Variants in SLC16A10 observed in about 807,000 individuals in gnomAD.
SLC16A10 encodes monocarboxylate transporter 10.
Under a neutral mutation model 40.0 loss-of-function variants are expected in SLC16A10, and 27 were observed. The ratio of observed to expected loss-of-function variants is 0.67; its 90% CI spans 0.50 to 0.93. SLC16A10 has a LOEUF of 0.93. Ranked by LOEUF, SLC16A10 falls within the 40% of genes least tolerant of loss-of-function variation. The pLI is 0.00. For missense variants in SLC16A10, 529 were observed against 658.2 expected (o/e 0.80, Z 2.15); for synonymous variants, 213 against 249.8 (o/e 0.85, Z 1.39).
intron 1 of SLC16A10, among the ~76,000 whole-genome samples, chr6:111,133,812 A>G (rs1220379725): frequency 1.3e-5 from 2 of 152,168 alleles, no homozygotes; most frequent in Non-Finnish European, 2.9e-5. Flanking sequence ...AAGAGTGCCA[A>G]TATTCCCTGG....
At chr6:111,131,230 C>T (rs776910465) in intron 1 of SLC16A10, among the ~76,000 whole-genome samples, 12 of 152,250 alleles carry the variant, frequency 7.9e-5, no homozygotes, top group African/African-American at 1.4e-4. Flanking sequence ...TCTGGTCCAG[C>T]GAGGTGGTGC....
At chr6:111,163,255 C>T (rs539880009) in intron 1 of SLC16A10, among the ~76,000 whole-genome samples, 1,591 of 148,484 alleles carry the variant, frequency 0.011, 11 homozygotes, top group Middle Eastern at 0.017. Flanking sequence ...CGGGTTCACA[C>T]CATTCTCCTG....
chr6:111,154,215 A>T (rs942087312), intron 1 of SLC16A10, among the ~76,000 whole-genome samples: 2 of 152,248 alleles, frequency 1.3e-5, no homozygotes, highest in African/African-American at 4.8e-5. Context: ...TATTTCAAAG[A>T]TTAAACAACT....
chr6:111,170,072 C>T (rs373545543), intron 1 of SLC16A10, among the ~76,000 whole-genome samples: 2 of 152,060 alleles, frequency 1.3e-5, no homozygotes, highest in Non-Finnish European at 2.9e-5. Context: ...CATGAGCCAA[C>T]ACGGGCGGCT....
In SLC16A10 at chr6:111,087,670, G is replaced by A; in HGVS notation, c.-83G>A. 1 of 825,596 alleles carries A rather than the reference G, an allele frequency of 1.2e-6. No homozygotes were observed. Among genetic ancestry groups the A allele is most frequent in the Non-Finnish European group, 1.6e-6 (1 of 630,028 alleles). The allele number at this position is 825,596 out of a possible 1,614,324, so 51.1% of individuals were successfully genotyped here. ...TCGCCTCGGCCTCGTTAGCCCGCCA[G>A]GAGCCCCGCAGCTCCTCCGGGAGCC... On this transcript the variant is annotated 5_prime_UTR_variant, in exon 1 of 6. Coordinates refer to ENST00000368851, the MANE Select transcript of SLC16A10 (RefSeq NM_018593.5).
intron 1 of SLC16A10, among the ~76,000 whole-genome samples, chr6:111,145,263 G>A (rs934254103): frequency 1.3e-5 from 2 of 151,970 alleles, no homozygotes; most frequent in South Asian, 2.1e-4. Flanking sequence ...AATTAACTGG[G>A]CATGGTGGTG....
chr6:111,180,558 T>G (rs1187529334), intron 3 of SLC16A10, among the ~76,000 whole-genome samples: 2 of 148,980 alleles, frequency 1.3e-5, no homozygotes, highest in African/African-American at 5.0e-5. Context: ...CTAAAAAAAA[T>G]TATAAAGTAT....
intron 4 of SLC16A10, among the ~76,000 whole-genome samples, chr6:111,212,308 A>G (rs575998934): frequency 6.6e-6 from 1 of 152,228 alleles, no homozygotes; most frequent in Non-Finnish European, 1.5e-5. Flanking sequence ...TTAATATCTT[A>G]TTAAATACTG....
chr6:111,204,169 A>G (rs897932573), intron 3 of SLC16A10, among the ~76,000 whole-genome samples: 12 of 152,178 alleles, frequency 7.9e-5, no homozygotes, highest in Non-Finnish European at 1.6e-4. Context: ...GAACTAAAAT[A>G]CCATGAGGAA....
intron 4 of SLC16A10, among the ~76,000 whole-genome samples, chr6:111,216,984 T>C (rs946189284): frequency 1.3e-5 from 2 of 152,180 alleles, no homozygotes; most frequent in African/African-American, 4.8e-5. Context: ...CGAGGTGTAC[T>C]ACCAACCTCC....
rs1770952061 is a variant in SLC16A10 at position 111,224,276 on chromosome 6, T to C, written c.*2041T>C. ...ACAAAAAATAAATGTTAAATTTTGT[T>C]TTAAGTTTTAGCACAGACTCCCCTC... On this transcript the variant is annotated 3_prime_UTR_variant, in exon 6 of 6. Coordinates refer to ENST00000368851, the MANE Select transcript of SLC16A10 (RefSeq NM_018593.5). 6.6e-6 allele frequency: 1 copy of C among 152,186 alleles called. No homozygotes were observed. The highest frequency in any genetic ancestry group is 2.1e-4 in the South Asian group (1 of 4,832). The allele number at this position is 152,186 out of a possible 1,614,324, so 9.4% of individuals were successfully genotyped here.
At chr6:111,172,610 T>C in intron 1 of SLC16A10, 85 bp from the exon 2 acceptor site, 1 of 1,477,944 alleles carries the variant, frequency 6.8e-7, no homozygotes, top group Admixed American at 2.1e-5. Context: ...ATAAAATTTT[T>C]CTAAATGTGT....
chr6:111,129,284 C>T (rs780466043), intron 1 of SLC16A10, among the ~76,000 whole-genome samples: 2 of 152,066 alleles, frequency 1.3e-5, no homozygotes, highest in East Asian at 1.9e-4. Flanking sequence ...GTTGGGGGCA[C>T]AAGTGGAAAA....
chr6:111,126,224 ATTTTTTCCTTAGTTT>A (rs1250032721), intron 1 of SLC16A10, among the ~76,000 whole-genome samples: 9 of 151,796 alleles, frequency 5.9e-5, no homozygotes, highest in East Asian at 5.8e-4. Context: ...TCCAGGCTGG[ATTTTTTCCTTAGTTT>A]TTTTTTCCTT....
At chr6:111,186,463 G>T (rs1307590993) in intron 3 of SLC16A10, among the ~76,000 whole-genome samples, 2 of 152,156 alleles carry the variant, frequency 1.3e-5, no homozygotes, top group East Asian at 3.9e-4. Flanking sequence ...ATCTTAATTT[G>T]AAGAATCTTC....
intron 1 of SLC16A10, among the ~76,000 whole-genome samples, chr6:111,150,994 A>T (rs1202769682): frequency 2.0e-5 from 3 of 152,160 alleles, no homozygotes; most frequent in Admixed American, 6.6e-5. Context: ...GGAAAATTAT[A>T]TATCTGTTAA....
intron 1 of SLC16A10, among the ~76,000 whole-genome samples, chr6:111,163,235 C>T (rs965243555): frequency 6.9e-6 from 1 of 145,900 alleles, no homozygotes; most frequent in Admixed American, 6.9e-5. Context: ...TCACTGCAAG[C>T]TCCGCCTCCC....
At chr6:111,169,581 A>G (rs187159490) in intron 1 of SLC16A10, among the ~76,000 whole-genome samples, 1 of 152,370 alleles carries the variant, frequency 6.6e-6, no homozygotes, top group Admixed American at 6.5e-5. Context: ...GCTGATTTCA[A>G]TCCCTTCCCA....
intron 1 of SLC16A10, among the ~76,000 whole-genome samples, chr6:111,141,474 C>T (rs1252326645): frequency 6.6e-6 from 1 of 152,054 alleles, no homozygotes; most frequent in African/African-American, 2.4e-5. Context: ...ACCAGCCTGA[C>T]CAACATGGAA....
Sources: gnomAD v4.1 joint callset for allele counts (sites outside exome capture counted in the v4.1 genomes callset) on GRCh38, gnomAD v4.1.1 for gene constraint, MANE v1.5 for transcripts, NCBI Gene and HGNC (gene_info 2026-07-23, HGNC 2026-07-21) for gene names.